Variants in CEACAM18 observed in about 807,000 individuals in gnomAD.
CEACAM18 encodes CEA cell adhesion molecule 18.
A neutral mutation model predicts 34.3 loss-of-function variants in CEACAM18; 33 were observed. That is an observed-to-expected ratio of 0.96 (90% CI 0.73 to 1.29). The LOEUF (loss-of-function observed/expected upper bound fraction) is 1.29. CEACAM18 is among the 50% of genes most tolerant of loss of function. The probability of loss-of-function intolerance (pLI) is 0.00; values close to 1 mark genes in which losing one functional copy is unlikely to be tolerated. For synonymous variants in CEACAM18, 169 were observed against 180.9 expected (o/e 0.93, Z 0.53); for missense variants, 474 against 485.0 (o/e 0.98, Z 0.21).
At chr19:51,478,684 C>A (rs1378617024) in exon 1 of CEACAM18, 4 of 1,466,318 alleles carry the variant, frequency 2.7e-6, no homozygotes, top group Non-Finnish European at 3.6e-6. Context: ...GGAGGAGGGT[C>A]TTCCTCATGG....
intron 5 of CEACAM18, among the ~76,000 whole-genome samples, chr19:51,486,160 T>C (rs1178960797): frequency 6.6e-6 from 1 of 152,054 alleles, no homozygotes; most frequent in Non-Finnish European, 1.5e-5. Flanking sequence ...ATGATGATGA[T>C]GACAAAGATG....
At chr19:51,483,487 G>A in intron 4 of CEACAM18, 191 bp downstream of exon 4, 5 of 661,930 alleles carry the variant, frequency 7.6e-6, no homozygotes, top group Admixed American at 2.7e-5. Context: ...GGAGTCCTCA[G>A]ATCAGAGTCA....
intron 1 of CEACAM18, among the ~76,000 whole-genome samples, chr19:51,478,952 ATG>A (rs1989860112): frequency 7.3e-6 from 1 of 137,488 alleles, no homozygotes; most frequent in Non-Finnish European, 1.6e-5. Context: ...GCACACGCAC[ATG>A]CACACACACA....
In CEACAM18 at chr19:51,481,354, C is replaced by T. The variant is rs776207423; in HGVS notation, c.401-39C>T. Reference sequence around the variant, plus strand: ...GAGGAGCAGAGCTTGGGGAAGCAGACCCCACTTGTAATTTTTTTCTCTTTC... The same window carrying T: ...GAGGAGCAGAGCTTGGGGAAGCAGATCCCACTTGTAATTTTTTTCTCTTTC... On this transcript the variant is annotated intron_variant, in intron 2 of 5. Coordinates refer to ENST00000396477, the Ensembl canonical transcript of CEACAM18. 5.0e-5 allele frequency: 80 copies of T among 1,597,668 alleles called. 1 individual carries two copies. The highest frequency in any genetic ancestry group is 1.7e-4 in the Admixed American group (10 of 59,270).
intron 4 of CEACAM18, among the ~76,000 whole-genome samples, chr19:51,484,462 G>A (rs1032717346): frequency 5.9e-5 from 9 of 152,036 alleles, no homozygotes; most frequent in African/African-American, 1.4e-4. Context: ...ACAGGCACAC[G>A]CCACTGTGCC....
intron 4 of CEACAM18, among the ~76,000 whole-genome samples, chr19:51,484,372 G>C (rs1190982549): frequency 6.6e-6 from 1 of 151,398 alleles, no homozygotes; most frequent in African/African-American, 2.4e-5. Flanking sequence ...GGATGCAGTG[G>C]TGCAATCTCT....
exon 6 of CEACAM18, chr19:51,490,692 C>T (rs1388946669): frequency 8.9e-7 from 1 of 1,127,560 alleles, no homozygotes; most frequent in Non-Finnish European, 1.1e-6. Flanking sequence ...CCCCATAGGG[C>T]CAGCGAGGCT....
chr19:51,490,338 G>A (rs1053057324), intron 5 of CEACAM18, among the ~76,000 whole-genome samples: 7 of 151,804 alleles, frequency 4.6e-5, no homozygotes, highest in African/African-American at 9.7e-5. Flanking sequence ...AGCTTCACCC[G>A]GCCTCTTTCT....
chr19:51,489,252 C>T (rs1317549864), intron 5 of CEACAM18, among the ~76,000 whole-genome samples: 1 of 150,508 alleles, frequency 6.6e-6, no homozygotes, highest in African/African-American at 2.4e-5. Context: ...TTTCTCGGTC[C>T]CCCCACATTT....
At chr19:51,486,364 G>A (rs1365226157) in intron 5 of CEACAM18, among the ~76,000 whole-genome samples, 1 of 152,166 alleles carries the variant, frequency 6.6e-6, no homozygotes, top group Non-Finnish European at 1.5e-5. Flanking sequence ...GAGCTCTGGG[G>A]TGACAGGCAG....
In CEACAM18 at chr19:51,481,530, C is replaced by T. The variant is rs200987432; in HGVS notation, c.538C>T (p.Arg180Trp). The T allele has an allele frequency of 3.5e-5, 56 of 1,613,936 alleles. 1 individual carries two copies. The South Asian group carries it at 4.0e-4, about 11-fold the overall frequency. The stretch of plus-strand genomic sequence containing the variant: ...TGATGTGCCTACCTCTAGTAGTGAC[C>T]GGATGACAATTTCCCCAGACGGCAA... Residue 180 changes from arginine (R) to tryptophan (W), a missense_variant, in exon 3 of 6, where the codon CGG (arginine) becomes TGG (tryptophan). Transcript: ENST00000396477.
At chr19:51,483,192 C>T in exon 4 of CEACAM18, 1 of 1,614,028 alleles carries the variant, frequency 6.2e-7, no homozygotes, top group Non-Finnish European at 8.5e-7. Flanking sequence ...AGATGAACCT[C>T]TCGAGTCTTG....
intron 4 of CEACAM18, 122 bp downstream of exon 4, chr19:51,483,418 G>A: frequency 8.2e-7 from 1 of 1,224,750 alleles, no homozygotes; most frequent in Non-Finnish European, 1.2e-6. Flanking sequence ...CAACCTCTGG[G>A]TGAAATCTCC....
At chr19:51,485,638 C>T (rs529771970) in intron 5 of CEACAM18, among the ~76,000 whole-genome samples, 16 of 152,256 alleles carry the variant, frequency 1.1e-4, no homozygotes, top group Non-Finnish European at 1.5e-4. Flanking sequence ...GAAGAATGAA[C>T]GGAGCAACAA....
At chr19:51,483,269 T>A (rs773551726) in exon 4 of CEACAM18, 5 of 1,614,030 alleles carry the variant, frequency 3.1e-6, no homozygotes, top group South Asian at 1.1e-5. Context: ...ATCATGTACA[T>A]GGACGTCAGG....
chr19:51,489,974 C>T (rs1381764321), intron 5 of CEACAM18, among the ~76,000 whole-genome samples: 1 of 152,222 alleles, frequency 6.6e-6, no homozygotes, highest in African/African-American at 2.4e-5. Context: ...GCAGAACCAC[C>T]TCCACGCCAC....
intron 1 of CEACAM18, 96 bp downstream of exon 1, chr19:51,478,790 A>C: frequency 2.3e-6 from 2 of 871,240 alleles, no homozygotes; most frequent in Non-Finnish European, 3.2e-6. Context: ...ATCCCCATCC[A>C]CGGGCACATC....
chr19:51,485,624 A>T (rs1242569423), intron 5 of CEACAM18, among the ~76,000 whole-genome samples: 1 of 152,224 alleles, frequency 6.6e-6, no homozygotes, highest in African/African-American at 2.4e-5. Flanking sequence ...TCCTCAGCCC[A>T]GCTGAAGAAT....
intron 5 of CEACAM18, among the ~76,000 whole-genome samples, chr19:51,490,041 T>C (rs1182192549): frequency 6.6e-6 from 1 of 152,130 alleles, no homozygotes; most frequent in Non-Finnish European, 1.5e-5. Flanking sequence ...TCCCCTCCGA[T>C]ATGAGAGCAG....
Sources: gnomAD v4.1 joint callset for allele counts (sites outside exome capture counted in the v4.1 genomes callset) on GRCh38, gnomAD v4.1.1 for gene constraint, MANE v1.5 for transcripts, NCBI Gene and HGNC (gene_info 2026-07-23, HGNC 2026-07-21) for gene names.